The following NCBP1 variants were observed in gnomAD, a reference collection of about 807,000 sequenced individuals.
NCBP1 encodes the protein nuclear cap binding protein subunit 1.
A neutral mutation model predicts 111.7 loss-of-function variants in NCBP1; 16 were observed. The ratio of observed to expected loss-of-function variants is 0.14; its 90% CI spans 0.10 to 0.22. The LOEUF is 0.22. Among genes scored for constraint, NCBP1 ranks in the 10% least tolerant of loss-of-function variants. The pLI is 1.00. For missense variants in NCBP1, 607 were observed against 957.5 expected, an observed-to-expected ratio of 0.63 and a Z score of 4.83; for synonymous variants, 304 against 314.3, an observed-to-expected ratio of 0.97 and a Z score of 0.35.
At position 97,634,309 on chromosome 9, in the gene NCBP1, C is replaced by T. The variant is rs1241013499; in HGVS notation, c.34+394C>T. ...TTCAAAGCTGCACCTGAAAAGGGCT[C>T]GGAAGAATTCACTGAAGGAAAGGAC... On this transcript the variant is annotated intron_variant, in intron 1 of 22. Transcript: ENST00000375147. 4.6e-5 allele frequency among the ~76,000 whole-genome samples: 7 copies of T among 152,294 alleles called. No individual in the cohort carries two copies. In the East Asian group the frequency reaches 1.2e-3, roughly 25 times the overall value.
Position 97,673,299 on chromosome 9 carries a change from G to T in NCBP1, c.*2100G>T, listed in dbSNP as rs186536437. On this transcript the variant is annotated 3_prime_UTR_variant, in exon 23 of 23. Transcript: ENST00000375147. ...CATCCCTAACCCCATGTTGTTCAAGGGTCAACTGTAGTTTAAAATGACTCC... is the reference window on the plus strand; with the variant it reads ...CATCCCTAACCCCATGTTGTTCAAGTGTCAACTGTAGTTTAAAATGACTCC... 1 of 152,060 alleles carries T rather than the reference G, an allele frequency of 6.6e-6. No homozygotes were observed. Among genetic ancestry groups the T allele is most frequent in the Non-Finnish European group, 1.5e-5 (1 of 67,974 alleles). 9.4% of individuals were successfully genotyped at this position (152,060 alleles called of 1,614,324 possible).
intron 5 of NCBP1, 58 bp downstream of exon 5, chr9:97,645,282 G>A (rs1827303921): frequency 1.5e-6 from 2 of 1,327,720 alleles, no homozygotes; most frequent in Admixed American, 3.5e-5. Flanking sequence ...CTGAATCCTG[G>A]TACTTCCATA....
chr9:97,646,319 A>G (rs937167422), intron 6 of NCBP1, among the ~76,000 whole-genome samples: 1 of 152,204 alleles, frequency 6.6e-6, no homozygotes, highest in Non-Finnish European at 1.5e-5. Context: ...AAGCCAATGT[A>G]AAAGCTTGGT....
chr9:97,642,747 AT>A (rs1230962708), intron 3 of NCBP1, among the ~76,000 whole-genome samples: 1 of 152,084 alleles, frequency 6.6e-6, no homozygotes, highest in Non-Finnish European at 1.5e-5. Flanking sequence ...TCAAAGTAGA[AT>A]TCTAGTTCCA....
chr9:97,658,794 T>C, intron 15 of NCBP1, 51 bp downstream of exon 15: 1 of 1,340,370 alleles, frequency 7.5e-7, no homozygotes, highest in Non-Finnish European at 1.1e-6. Context: ...AGTTCAAGTA[T>C]ATCTGAAGTT....
rs1716356280 is a variant in NCBP1, at chr9:97,671,894, TAA to T, written c.*697_*698del. 1 of 152,204 alleles carries T rather than the reference TAA, an allele frequency of 6.6e-6. No individual in the cohort carries two copies. The highest frequency in any genetic ancestry group is 1.5e-5 in the Non-Finnish European group (1 of 68,040). The allele number at this position is 152,204 out of a possible 1,614,324, so 9.4% of individuals were successfully genotyped here. On this transcript the variant is annotated 3_prime_UTR_variant, in exon 23 of 23. Coordinates refer to ENST00000375147, the MANE Select transcript of NCBP1 (RefSeq NM_002486.5). Reference sequence around the variant, plus strand: ...GAACGCAGACATCCTCAGTAATCCTTAAAGTTTCCCCAGGTGATTCCAGGTTT... The same window carrying T: ...GAACGCAGACATCCTCAGTAATCCTTAGTTTCCCCAGGTGATTCCAGGTTT...
intron 17 of NCBP1, 76 bp from the exon 18 acceptor site, chr9:97,662,878 T>C: frequency 2.7e-6 from 3 of 1,105,496 alleles, no homozygotes; most frequent in East Asian, 2.4e-5. Context: ...TTGAGTAACA[T>C]TGAAAAGGCT....
intron 8 of NCBP1, among the ~76,000 whole-genome samples, chr9:97,649,439 C>G (rs1343765251): frequency 6.6e-6 from 1 of 152,072 alleles, no homozygotes; most frequent in Non-Finnish European, 1.5e-5. Context: ...CAGTTGAAAA[C>G]TATTGCCATA....
chr9:97,663,871 G>C (rs1347502079), intron 18 of NCBP1, among the ~76,000 whole-genome samples: 1 of 151,718 alleles, frequency 6.6e-6, no homozygotes, highest in African/African-American at 2.4e-5. Context: ...GCAAAGGGGA[G>C]AATAAATCTT....
In NCBP1 at chr9:97,661,083, G is replaced by T; in HGVS notation, c.1600+15G>T. 1.2e-6 allele frequency: 2 copies of T among 1,610,610 alleles called. No homozygotes were observed. The highest frequency in any genetic ancestry group is 1.1e-5 in the South Asian group (1 of 90,920). On this transcript the variant is annotated intron_variant, in intron 16 of 22. Transcript: ENST00000375147. ...TGATGACGACGGTAAGTGGAATTCA[G>T]TATTTCTTAAGTGGAACTATGTATA...
In NCBP1 at chr9:97,672,703, C is replaced by T; in HGVS notation, c.*1504C>T. ...ACCCCTGAGATGGCAAGACCAGCCC[C>T]TTGTCTTCCTCAGCCTGCTCAACGT... On this transcript the variant is annotated 3_prime_UTR_variant, in exon 23 of 23. Transcript: ENST00000375147. 1 of 174,792 alleles carries T rather than the reference C, an allele frequency of 5.7e-6. No individual in the cohort carries two copies. The highest frequency in any genetic ancestry group is 1.2e-5 in the Non-Finnish European group (1 of 85,440). 10.8% of individuals were successfully genotyped at this position (174,792 alleles called of 1,614,324 possible).
chr9:97,653,119 CTTTTTTTTTT>C (rs57742118), intron 10 of NCBP1, among the ~76,000 whole-genome samples: 1 of 123,580 alleles, frequency 8.1e-6, no homozygotes, highest in Non-Finnish European at 1.7e-5. Flanking sequence ...TAAAAGAATT[CTTTTTTTTTT>C]TTTTTTTTTG....
At chr9:97,666,991 C>G (rs1828023997) in intron 20 of NCBP1, 114 bp downstream of exon 20, 4 of 779,908 alleles carry the variant, frequency 5.1e-6, no homozygotes, top group Non-Finnish European at 1.9e-6. Flanking sequence ...CAAATTAATG[C>G]AGAGCAGAAA....
intron 9 of NCBP1, 43 bp from the exon 10 acceptor site, chr9:97,651,267 G>C (rs370754081): frequency 6.6e-7 from 1 of 1,513,668 alleles, no homozygotes; most frequent in Non-Finnish European, 9.0e-7. Context: ...GACTTTTCTT[G>C]TGTCTTCGTA....
chr9:97,655,089 C>G (rs1194116261), intron 12 of NCBP1, 145 bp downstream of exon 12: 1 of 563,478 alleles, frequency 1.8e-6, no homozygotes, highest in Non-Finnish European at 2.9e-6. Context: ...AATAACCAGA[C>G]TCATACTTAA....
chr9:97,637,282 G>A (rs568112029), intron 1 of NCBP1, among the ~76,000 whole-genome samples: 1 of 152,336 alleles, frequency 6.6e-6, no homozygotes, highest in Admixed American at 6.5e-5. Flanking sequence ...AAAGTAATGT[G>A]TATGGATACT....
At chr9:97,664,266 C>T (rs1827926945) in intron 18 of NCBP1, 74 bp from the exon 19 acceptor site, 3 of 890,296 alleles carry the variant, frequency 3.4e-6, no homozygotes, top group Non-Finnish European at 5.2e-6. Context: ...ACTTTTATAG[C>T]AGCAGTGTGG....
rs73656851 is a variant in NCBP1, at chr9:97,642,156, G to T, written c.224+494G>T. 3.6e-3 allele frequency among the ~76,000 whole-genome samples: 545 copies of T among 152,162 alleles called. 2 individuals carry two copies. The highest frequency in any genetic ancestry group is 0.013 in the African/African-American group (523 of 41,538). On this transcript the variant is annotated intron_variant, in intron 3 of 22. Transcript: ENST00000375147. ...TGAGGTGTTTTTAAATTATGAAGGT[G>T]ATGTTTATCACTTCTCAGCCTTTTA...
chr9:97,669,632 G>A lies in NCBP1; in HGVS notation c.2185G>A (p.Glu729Lys), dbSNP rs1278052037. The A allele has an allele frequency of 6.8e-6, 11 of 1,612,956 alleles. No homozygotes were observed. The highest frequency in any genetic ancestry group is 1.3e-5 in the African/African-American group (1 of 74,828). Reference protein sequence around the residue: ...MILTEHLVRCETDGTSVLTPW... With the variant: ...MILTEHLVRCKTDGTSVLTPW... ...CTTGACCGAGCACCTAGTACGATGCGAAACTGATGGGACCAGTGTATTAAC... is the reference window on the plus strand; with the variant it reads ...CTTGACCGAGCACCTAGTACGATGCAAAACTGATGGGACCAGTGTATTAAC... Residue 729 changes from glutamate (E) to lysine (K), a missense_variant, in exon 22 of 23, where the codon GAA (glutamate) becomes AAA (lysine). Physicochemically the swap from Glu to Lys is moderately conservative, Grantham distance 56. Coordinates refer to ENST00000375147, the MANE Select transcript of NCBP1 (RefSeq NM_002486.5).
Sources: allele counts gnomAD v4.1 joint callset (sites outside exome capture counted in the v4.1 genomes callset), GRCh38; gene constraint gnomAD v4.1.1; transcripts MANE v1.5; gene names NCBI Gene and HGNC (gene_info 2026-07-23, HGNC 2026-07-21).